The following ESR1 variants were observed in gnomAD, a reference collection of about 807,000 sequenced individuals.
The protein encoded by ESR1 is estrogen receptor 1.
Under a neutral mutation model 52.7 loss-of-function variants are expected in ESR1, and 12 were observed. The ratio of observed to expected loss-of-function variants is 0.23; its 90% confidence interval spans 0.15 to 0.37. ESR1 has a LOEUF of 0.37. Ranked by LOEUF, ESR1 falls within the 10% of genes least tolerant of loss-of-function variation. ESR1 has a pLI of 1.00. For missense variants in ESR1, 584 were observed against 779.7 expected (o/e 0.75, Z 2.99); for synonymous variants, 305 against 316.8 (o/e 0.96, Z 0.39).
chr6:151,763,304 A>G (rs574305626), intron 2 of ESR1, among the ~76,000 whole-genome samples: 3 of 152,062 alleles, frequency 2.0e-5, no homozygotes, highest in East Asian at 3.9e-4. Context: ...ACCTCTAGGT[A>G]CACTTCTTTC....
chr6:151,907,555 A>G (rs932691025), intron 3 of ESR1, among the ~76,000 whole-genome samples: 3 of 151,966 alleles, frequency 2.0e-5, no homozygotes, highest in Admixed American at 6.6e-5. Flanking sequence ...CTCTTCATTC[A>G]ACATTTTCCC....
chr6:152,068,799 T>G (rs1439441872), intron 6 of ESR1, among the ~76,000 whole-genome samples: 1 of 152,192 alleles, frequency 6.6e-6, no homozygotes, highest in Non-Finnish European at 1.5e-5. Flanking sequence ...ATTACAAAAC[T>G]ACCCATTCTG....
intron 2 of ESR1, among the ~76,000 whole-genome samples, chr6:151,850,613 C>G (rs1000169118): frequency 6.6e-6 from 1 of 152,068 alleles, no homozygotes; most frequent in Non-Finnish European, 1.5e-5. Flanking sequence ...CTAGCTCCTG[C>G]CCCAGCCTGA....
At chr6:151,911,204 GT>G (rs774936162) in intron 3 of ESR1, among the ~76,000 whole-genome samples, 7 of 152,084 alleles carry the variant, frequency 4.6e-5, no homozygotes, top group Non-Finnish European at 1.0e-4. Flanking sequence ...TCTTGAGAGT[GT>G]TTGTTCAAAT....
At chr6:152,020,450 TTTTG>T (rs1164166387) in intron 5 of ESR1, among the ~76,000 whole-genome samples, 2 of 152,114 alleles carry the variant, frequency 1.3e-5, no homozygotes, top group Non-Finnish European at 2.9e-5. Flanking sequence ...TTTTCCTTTT[TTTTG>T]TTTGTTTGTT....
At chr6:151,856,575 A>G (rs529515882) in intron 2 of ESR1, among the ~76,000 whole-genome samples, 55 of 147,326 alleles carry the variant, frequency 3.7e-4, no homozygotes, top group Non-Finnish European at 6.5e-4. Flanking sequence ...GCCAGCTTTT[A>G]TCAATTATAT....
In ESR1 at chr6:152,053,132, A is replaced by G. The variant is rs1272236104; in HGVS notation, c.1236-7859A>G. Among the ~76,000 whole-genome samples, 1 of 152,176 alleles carries G rather than the reference A, an allele frequency of 6.6e-6. No individual in the cohort carries two copies. The highest frequency in any genetic ancestry group is 1.5e-5 in the Non-Finnish European group (1 of 68,028). ...TTTCTTCTCATATCCTCGAGTTAGA[A>G]AAAGGTATTTCTCTCCTGTGATGAT... is the stretch of plus-strand genomic sequence containing the variant. On this transcript the variant is annotated intron_variant, in intron 5 of 7. Transcript: ENST00000206249. The surrounding 1 kb of genome is among the most constrained non-coding windows in gnomAD (Gnocchi z 4.1).
intron 2 of ESR1, among the ~76,000 whole-genome samples, chr6:151,866,870 A>G (rs998734643): frequency 2.0e-5 from 3 of 152,000 alleles, no homozygotes; most frequent in Non-Finnish European, 4.4e-5. Context: ...GTCAAATACT[A>G]GAAGGCTACA....
intron 4 of ESR1, among the ~76,000 whole-genome samples, chr6:151,947,510 A>G (rs1047223763): frequency 3.9e-5 from 6 of 152,192 alleles, no homozygotes; most frequent in Non-Finnish European, 8.8e-5. Flanking sequence ...TTTTTAACAA[A>G]AATAGTCAAT....
chr6:151,900,958 TG>T (rs1474966753), intron 3 of ESR1, among the ~76,000 whole-genome samples: 2 of 152,230 alleles, frequency 1.3e-5, no homozygotes, highest in Non-Finnish European at 2.9e-5. Flanking sequence ...CAGCGTCAGC[TG>T]TGGTAGTATA....
chr6:151,925,294 A>G lies in ESR1; in HGVS notation c.761-18879A>G, dbSNP rs565733104. ...TATTTTTCAATGAGGTGTACATCAG[A>G]TCTTTTGCCCATTTTAAAAGTGGGG... On this transcript the variant is annotated intron_variant, in intron 3 of 7. Transcript: ENST00000206249. Among the ~76,000 whole-genome samples, 290 of 152,246 alleles carry G rather than the reference A, an allele frequency of 1.9e-3. 1 individual carries two copies. The highest frequency in any genetic ancestry group is 6.8e-3 in the African/African-American group (281 of 41,556).
chr6:151,722,486 T>G (rs1781531938), intron 2 of ESR1, among the ~76,000 whole-genome samples: 1 of 152,180 alleles, frequency 6.6e-6, no homozygotes, highest in Non-Finnish European at 1.5e-5. Flanking sequence ...TGTCCAAAGC[T>G]TTGTCCTTGT....
chr6:151,835,115 G>C (rs902374673), intron 1 of ESR1, among the ~76,000 whole-genome samples: 27 of 152,166 alleles, frequency 1.8e-4, no homozygotes, highest in African/African-American at 6.5e-4. Context: ...TTTCAGAGAA[G>C]AGGAAGGGTG....
chr6:151,693,753 G>T (rs1779116182), intron 1 of ESR1, among the ~76,000 whole-genome samples: 1 of 152,178 alleles, frequency 6.6e-6, no homozygotes, highest in African/African-American at 2.4e-5. Context: ...GAGTAGCTGG[G>T]ATTACAGGCA....
intron 2 of ESR1, among the ~76,000 whole-genome samples, chr6:151,741,761 C>T (rs765323777): frequency 2.0e-5 from 3 of 152,076 alleles, no homozygotes; most frequent in South Asian, 2.1e-4. Flanking sequence ...GGCAAACTAA[C>T]GTATCCATCA....
intron 2 of ESR1, among the ~76,000 whole-genome samples, chr6:151,880,181 G>GTTTTTTTTT (rs71017515): frequency 2.1e-4 from 25 of 116,354 alleles, no homozygotes; most frequent in Non-Finnish European, 3.8e-4. Flanking sequence ...TTTTTGTTCT[G>GTTTTTTTTT]TTTTTTTTTT....
At chr6:152,005,937 G>A (rs1417669680) in intron 4 of ESR1, among the ~76,000 whole-genome samples, 1 of 152,050 alleles carries the variant, frequency 6.6e-6, no homozygotes, top group African/African-American at 2.4e-5. Context: ...GAAAGAGTCA[G>A]CTTGATATTG....
chr6:151,956,669 A>G (rs1387551752), intron 4 of ESR1, among the ~76,000 whole-genome samples: 5 of 151,950 alleles, frequency 3.3e-5, no homozygotes, highest in African/African-American at 1.2e-4. Context: ...GCATAGGCTA[A>G]AGAAGTGATC....
chr6:152,029,484 T>A (rs1030336178), intron 5 of ESR1, among the ~76,000 whole-genome samples: 4 of 152,168 alleles, frequency 2.6e-5, no homozygotes, highest in African/African-American at 7.2e-5. Flanking sequence ...ACAAGAACTA[T>A]GTGACGAATG....
Sources: allele counts gnomAD v4.1 joint callset (sites outside exome capture counted in the v4.1 genomes callset), GRCh38; gene constraint gnomAD v4.1.1; non-coding constraint Gnocchi (gnomAD v3.1); transcripts MANE v1.5; gene names NCBI Gene and HGNC (gene_info 2026-07-23, HGNC 2026-07-21).